The following UROC1 variants were observed in gnomAD, a reference collection of about 807,000 sequenced individuals.
The protein encoded by UROC1 is urocanate hydratase 1.
UROC1 carries 79 observed loss-of-function variants against 89.5 expected under a neutral mutation model. That is an observed-to-expected ratio of 0.88 (90% CI 0.74 to 1.06). The LOEUF (loss-of-function observed/expected upper bound fraction) is 1.06. Ranked by LOEUF, UROC1 falls within the 50% of genes least tolerant of loss-of-function variation. The pLI is 0.00. For synonymous variants in UROC1, 361 were observed against 354.8 expected (o/e 1.02, Z -0.20); for missense variants, 885 against 907.8 (o/e 0.97, Z 0.32).
intron 2 of UROC1, 117 bp downstream of exon 2, chr3:126,510,547 A>G (rs2107549969): frequency 6.7e-7 from 1 of 1,502,764 alleles, no homozygotes. Context: ...CCTGGTCTGG[A>G]CAGACTGGGT....
chr3:126,488,416 C>A, intron 17 of UROC1, 137 bp from the exon 18 acceptor site: 3 of 871,360 alleles, frequency 3.4e-6, no homozygotes, highest in Non-Finnish European at 5.6e-6. Flanking sequence ...AGGGACAGGG[C>A]CTCTCACAGC....
At chr3:126,489,527 T>C in intron 16 of UROC1, 152 bp from the exon 17 acceptor site, 1 of 697,314 alleles carries the variant, frequency 1.4e-6, no homozygotes, top group Non-Finnish European at 2.6e-6. Flanking sequence ...ATGTCATCTG[T>C]AGCCTGGAAT....
chr3:126,483,218 T>C, intron 19 of UROC1, 151 bp downstream of exon 19: 1 of 732,034 alleles, frequency 1.4e-6, no homozygotes, highest in South Asian at 1.5e-5. Context: ...TTTGAGCTGA[T>C]TCCCCCTTCC....
intron 9 of UROC1, chr3:126,501,713 A>T (rs1935926869): frequency 1.4e-6 from 2 of 1,433,282 alleles, no homozygotes; most frequent in Non-Finnish European, 1.9e-6. Context: ...AGATTTGAAC[A>T]GGCCTTGCAG....
intron 18 of UROC1, among the ~76,000 whole-genome samples, chr3:126,486,461 C>A (rs1935517257): frequency 6.6e-6 from 1 of 152,258 alleles, no homozygotes; most frequent in Admixed American, 6.5e-5. Context: ...CCTGAGCATG[C>A]AGGGCTGCAG....
intron 15 of UROC1, among the ~76,000 whole-genome samples, chr3:126,495,214 T>G (rs1935750171): frequency 6.6e-6 from 1 of 152,164 alleles, no homozygotes; most frequent in Non-Finnish European, 1.5e-5. Context: ...TATACATACA[T>G]AAAATGTACC....
chr3:126,492,606 T>A, intron 15 of UROC1, 90 bp from the exon 16 acceptor site: 1 of 1,017,216 alleles, frequency 9.8e-7, no homozygotes, highest in Non-Finnish European at 1.5e-6. Context: ...GCACTTCCAC[T>A]GTGGGACATG....
rs1156521237 is a variant in UROC1 at position 126,501,253 on chromosome 3, G to A, written c.930C>T (p.Leu310=). 13 of 1,613,982 alleles carry A rather than the reference G, an allele frequency of 8.1e-6. No homozygotes were observed. Among genetic ancestry groups the A allele is most frequent in the African/African-American group, 1.3e-5 (1 of 74,924 alleles). The change falls in exon 10 of 20, where the codon CTC becomes CTT. Residue 310 remains leucine (L), a synonymous_variant. Transcript: ENST00000290868. ...LREARKKKEV[L]SLGYHGNVVA... is the part of the protein sequence containing the mutation. Reference sequence around the variant, plus strand: ...CCACGTTGCCATGGTAACCAAGGCTGAGCACCTCCTTTTTTTTCCTTGCTT... The same window carrying A: ...CCACGTTGCCATGGTAACCAAGGCTAAGCACCTCCTTTTTTTTCCTTGCTT...
At chr3:126,495,682 G>A (rs1186584107) in intron 15 of UROC1, among the ~76,000 whole-genome samples, 1 of 152,188 alleles carries the variant, frequency 6.6e-6, no homozygotes, top group Non-Finnish European at 1.5e-5. Context: ...GGAATTGCTG[G>A]GTCATAGGGT....
At chr3:126,487,694 AG>A (rs1935547610) in intron 18 of UROC1, among the ~76,000 whole-genome samples, 1 of 152,226 alleles carries the variant, frequency 6.6e-6, no homozygotes, top group South Asian at 2.1e-4. Flanking sequence ...CATAGAGAAT[AG>A]CCGGGCAGGG....
At chr3:126,506,685 A>G (rs766234014) in intron 6 of UROC1, among the ~76,000 whole-genome samples, 10 of 152,256 alleles carry the variant, frequency 6.6e-5, no homozygotes, top group Non-Finnish European at 1.5e-4. Context: ...ACATGCATAG[A>G]AAGTGTTTGG....
At chr3:126,509,261 A>C (rs929936824) in intron 3 of UROC1, among the ~76,000 whole-genome samples, 3 of 151,950 alleles carry the variant, frequency 2.0e-5, no homozygotes, top group African/African-American at 7.2e-5. Flanking sequence ...AAAAGTAAAA[A>C]AATAATATTT....
At position 126,482,166 on chromosome 3, in the gene UROC1, C is replaced by T. The variant is rs1935403122; in HGVS notation, c.*179G>A. 3.6e-6 allele frequency: 3 copies of T among 832,188 alleles called. No individual in the cohort carries two copies. In the African/African-American group the frequency reaches 5.1e-5, roughly 14 times the overall value. The allele number at this position is 832,188 out of a possible 1,614,324, so 51.6% of individuals were successfully genotyped here. A position where few individuals can be genotyped will look rare whatever the true frequency, so the allele number is the denominator to read the frequency against. ...CAGAGAGCTGCATGTCTCTGGGCCT[C>T]AGGGGGCTGTCTGTAAAATGAGGCT... On this transcript the variant is annotated 3_prime_UTR_variant, in exon 20 of 20. Coordinates refer to ENST00000290868, the MANE Select transcript of UROC1 (RefSeq NM_144639.3).
rs147422431 is a variant in UROC1, at chr3:126,508,031, C to T, written c.476G>A (p.Gly159Glu). The T allele has an allele frequency of 6.2e-7, 1 of 1,614,002 alleles. No individual in the cohort carries two copies. The highest frequency in any genetic ancestry group is 8.5e-7 in the Non-Finnish European group (1 of 1,180,024). Residue 159 changes from glycine (G) to glutamate (E), a missense_variant, in exon 5 of 20, where the codon GGG (glycine) becomes GAG (glutamate). Coordinates refer to ENST00000290868, the MANE Select transcript of UROC1 (RefSeq NM_144639.3). The stretch of plus-strand genomic sequence containing the variant: ...GCTGGGAAAGAGGCCAAGTGGGTGC[C>T]CACTGTACATGACCAAAGTCTGCTC... ...TEEQTLVMYS[G>E]HPLGLFPSSR...
At position 126,487,289 on chromosome 3, in the gene UROC1, G is replaced by A. The variant is rs765423458; in HGVS notation, c.1790+909C>T. On this transcript the variant is annotated intron_variant, in intron 18 of 19. Transcript: ENST00000290868. ...CTTCAGAGCCACTCTCTTCCCCTCC[G>A]GAAATGACTCAGGAAATCCTGTGCA... 3.9e-5 allele frequency among the ~76,000 whole-genome samples: 6 copies of A among 152,192 alleles called. No individual in the cohort carries two copies. In the South Asian group the frequency reaches 1.2e-3, roughly 31 times the overall value.
chr3:126,500,995 G>C, intron 10 of UROC1, 121 bp from the exon 11 acceptor site: 1 of 1,409,590 alleles, frequency 7.1e-7, no homozygotes, highest in Non-Finnish European at 9.9e-7. Context: ...CACAGCCCGA[G>C]CCAGACCCTG....
At chr3:126,501,000 AC>A in intron 10 of UROC1, 126 bp from the exon 11 acceptor site, 1 of 1,402,910 alleles carries the variant, frequency 7.1e-7, no homozygotes, top group Non-Finnish European at 1.0e-6. Context: ...CCCGAGCCAG[AC>A]CCTGCTTTCC....
At chr3:126,504,124 C>G (rs1936001520) in intron 8 of UROC1, 41 bp from the exon 9 acceptor site, 2 of 1,603,192 alleles carry the variant, frequency 1.2e-6, no homozygotes, top group African/African-American at 1.3e-5. Context: ...ATGGGGCCAC[C>G]CGGTTACAAA....
rs113899696 is a variant in UROC1 at position 126,511,262 on chromosome 3, G to A, written c.127-468C>T. Among the ~76,000 whole-genome samples the A allele has an allele frequency of 5.9e-4, 90 of 152,250 alleles. 1 individual carries two copies. Among genetic ancestry groups the A allele is most frequent in the African/African-American group, 2.1e-3 (86 of 41,544 alleles). ...CACACACACATGAACTCTTTTGATC[G>A]TGAGCCATAGGAAGCAATTCCTATG... On this transcript the variant is annotated intron_variant, in intron 1 of 19. Coordinates refer to ENST00000290868, the MANE Select transcript of UROC1 (RefSeq NM_144639.3).
Sources: allele counts gnomAD v4.1 joint callset (sites outside exome capture counted in the v4.1 genomes callset), GRCh38; gene constraint gnomAD v4.1.1; transcripts MANE v1.5; gene names NCBI Gene and HGNC (gene_info 2026-07-23, HGNC 2026-07-21).